Variants in ARIH1 observed in about 807,000 individuals in gnomAD.
ARIH1 encodes ariadne RBR E3 ubiquitin protein ligase 1.
Under a neutral mutation model 85.0 loss-of-function variants are expected in ARIH1, and 8 were observed. The ratio of observed to expected loss-of-function variants is 0.09; its 90% CI spans 0.06 to 0.17. The LOEUF is 0.17. ARIH1 is among the 10% of genes least tolerant of loss of function. The pLI, the probability that ARIH1 is intolerant of heterozygous loss-of-function variation, is 1.00. For missense variants in ARIH1, 311 were observed against 718.1 expected (o/e 0.43, Z 6.48); for synonymous variants, 238 against 253.6 (o/e 0.94, Z 0.59).
intron 1 of ARIH1, among the ~76,000 whole-genome samples, chr15:72,490,501 G>A (rs1303927173): frequency 6.6e-6 from 1 of 152,094 alleles, no homozygotes; most frequent in Admixed American, 6.5e-5. Context: ...AGAATCTAAT[G>A]CCTGATAATC....
chr15:72,507,149 A>G (rs901532303), intron 1 of ARIH1, among the ~76,000 whole-genome samples: 1 of 152,042 alleles, frequency 6.6e-6, no homozygotes, highest in Admixed American at 6.6e-5. Flanking sequence ...CAGCCTCCCA[A>G]GTAGCTAGGA....
intron 1 of ARIH1, among the ~76,000 whole-genome samples, chr15:72,491,966 CTTA>C (rs2063861303): frequency 6.6e-6 from 1 of 152,168 alleles, no homozygotes; most frequent in African/African-American, 2.4e-5. Context: ...AGAAGACTGA[CTTA>C]TACAGGCTGA....
intron 2 of ARIH1, among the ~76,000 whole-genome samples, chr15:72,518,786 C>CAA (rs1207137942): frequency 0.015 from 1,422 of 92,160 alleles, 28 homozygotes; most frequent in African/African-American, 0.052. Flanking sequence ...GACTCTATCT[C>CAA]AAAAAAAAAA....
chr15:72,482,804 C>A (rs2140391545), intron 1 of ARIH1, among the ~76,000 whole-genome samples: 1 of 151,286 alleles, frequency 6.6e-6, no homozygotes, highest in African/African-American at 2.4e-5. Flanking sequence ...AAGGCTGCAA[C>A]CAAGGTGACG....
chr15:72,546,460 A>T (rs1376581166), intron 3 of ARIH1, among the ~76,000 whole-genome samples: 3 of 152,110 alleles, frequency 2.0e-5, no homozygotes, highest in Non-Finnish European at 2.9e-5. Flanking sequence ...CTTTAGCGGG[A>T]GGTAAGCCAT....
At chr15:72,487,079 TA>T (rs1163850622) in intron 1 of ARIH1, among the ~76,000 whole-genome samples, 5 of 151,730 alleles carry the variant, frequency 3.3e-5, no homozygotes, top group South Asian at 2.1e-4. Flanking sequence ...TTATTATTAT[TA>T]TTTTTTTTTG....
At chr15:72,559,374 AT>A (rs2064188240) in intron 5 of ARIH1, among the ~76,000 whole-genome samples, 1 of 151,916 alleles carries the variant, frequency 6.6e-6, no homozygotes, top group African/African-American at 2.4e-5. Flanking sequence ...GGTTCAAGTG[AT>A]TCTCCTGCCT....
chr15:72,567,299 C>CT (rs763442417), intron 9 of ARIH1, 122 bp downstream of exon 9: 19,019 of 549,966 alleles, frequency 0.035, 92 homozygotes, highest in African/African-American at 0.077. Flanking sequence ...TCCATTGAGT[C>CT]TTTTTTTTTT....
intron 3 of ARIH1, among the ~76,000 whole-genome samples, chr15:72,552,633 G>A (rs2064157598): frequency 6.6e-6 from 1 of 152,188 alleles, no homozygotes; most frequent in South Asian, 2.1e-4. Context: ...AAAACAAGGT[G>A]CAGAAGAGAA....
intron 2 of ARIH1, among the ~76,000 whole-genome samples, chr15:72,524,525 C>T (rs181942274): frequency 1.4e-4 from 22 of 152,226 alleles, no homozygotes; most frequent in South Asian, 8.3e-4. Context: ...CTTTTACATA[C>T]ATTTGAAAGC....
chr15:72,492,270 T>TA (rs1328871323), intron 1 of ARIH1, among the ~76,000 whole-genome samples: 3 of 152,212 alleles, frequency 2.0e-5, no homozygotes, highest in Non-Finnish European at 4.4e-5. Flanking sequence ...GTTACAAACT[T>TA]AGACTAGTGG....
intron 1 of ARIH1, among the ~76,000 whole-genome samples, chr15:72,491,313 C>A (rs1348528699): frequency 6.6e-6 from 1 of 151,680 alleles, no homozygotes; most frequent in African/African-American, 2.4e-5. Flanking sequence ...CCCCCACCCC[C>A]CCATAAACCC....
intron 3 of ARIH1, 70 bp from the exon 4 acceptor site, chr15:72,555,201 G>T: frequency 1.8e-6 from 2 of 1,139,728 alleles, no homozygotes; most frequent in Non-Finnish European, 1.3e-6. Flanking sequence ...ACAGAGCCCT[G>T]TTGAGTCACT....
chr15:72,499,440 T>A (rs139493789), intron 1 of ARIH1, among the ~76,000 whole-genome samples: 2 of 152,240 alleles, frequency 1.3e-5, no homozygotes, highest in Non-Finnish European at 2.9e-5. Context: ...TTCCTTTTTC[T>A]TCCTCCATCC....
intron 2 of ARIH1, among the ~76,000 whole-genome samples, chr15:72,536,530 G>C (rs1289981126): frequency 6.6e-6 from 1 of 152,154 alleles, no homozygotes; most frequent in Admixed American, 6.5e-5. Context: ...AGCTGAATGG[G>C]GGGGATGTAA....
At chr15:72,550,133 T>C (rs1204050165) in intron 3 of ARIH1, among the ~76,000 whole-genome samples, 1 of 152,230 alleles carries the variant, frequency 6.6e-6, no homozygotes, top group Non-Finnish European at 1.5e-5. Flanking sequence ...TAGACATCCA[T>C]GTATGATTTA....
At chr15:72,513,240 A>T (rs1372769185) in intron 1 of ARIH1, among the ~76,000 whole-genome samples, 3 of 152,100 alleles carry the variant, frequency 2.0e-5, no homozygotes, top group Non-Finnish European at 4.4e-5. Context: ...CTTTTGGATT[A>T]CTTGAAATTT....
intron 6 of ARIH1, among the ~76,000 whole-genome samples, chr15:72,562,979 A>G (rs2140432741): frequency 6.6e-6 from 1 of 151,596 alleles, no homozygotes; most frequent in East Asian, 1.9e-4. Flanking sequence ...ATTATCCCCC[A>G]TTTGCCCCTT....
chr15:72,529,261 C>T (rs2064044754), intron 2 of ARIH1, among the ~76,000 whole-genome samples: 1 of 152,136 alleles, frequency 6.6e-6, no homozygotes, highest in African/African-American at 2.4e-5. Context: ...AGAATTCTTG[C>T]TCCCCCTATC....
Sources: gnomAD v4.1 joint callset for allele counts (sites outside exome capture counted in the v4.1 genomes callset) on GRCh38, gnomAD v4.1.1 for gene constraint, MANE v1.5 for transcripts, NCBI Gene and HGNC (gene_info 2026-07-23, HGNC 2026-07-21) for gene names.